Variants in LIPE observed in about 807,000 individuals in gnomAD.
The protein encoded by LIPE is hormone-sensitive lipase.
LIPE carries 66 observed loss-of-function variants against 88.5 expected under a neutral mutation model. The ratio of observed to expected loss-of-function variants is 0.75; its 90% CI spans 0.61 to 0.91. The LOEUF (loss-of-function observed/expected upper bound fraction) is 0.91. Among genes scored for constraint, LIPE ranks in the 40% least tolerant of loss-of-function variants. The pLI, the probability that LIPE is intolerant of heterozygous loss-of-function variation, is 0.00. For synonymous variants in LIPE, 570 were observed against 617.5 expected (o/e 0.92, Z 1.14); for missense variants, 1,346 against 1,434.7 (o/e 0.94, Z 1.00).
chr19:42,406,468 G>A lies in LIPE; in HGVS notation c.2138-80C>T, dbSNP rs2040187571. The A allele has an allele frequency of 8.1e-7, 1 of 1,229,532 alleles. No homozygotes were observed. Among genetic ancestry groups the A allele is most frequent in the Non-Finnish European group, 1.2e-6 (1 of 851,262 alleles). 76.2% of individuals were successfully genotyped at this position (1,229,532 alleles called of 1,614,324 possible). On this transcript the variant is annotated intron_variant, in intron 6 of 9. Coordinates refer to ENST00000244289, the MANE Select transcript of LIPE (RefSeq NM_005357.4). The surrounding 1 kb of genome is among the most constrained non-coding windows in gnomAD (Gnocchi z 5.7). ...AGGAGGGCAGGGAGGAACTCAAGCT[G>A]GGAGAACTGGGCTCTCCAAGGTGGG...
In LIPE at chr19:42,410,051, G is replaced by GAGT. The variant is rs775755321; in HGVS notation, c.1419+253_1419+255dup. Reference sequence around the variant, plus strand: ...CATCTCTTGCATGTAGGACAATAGAGAGTAGTGGATATCCTGGTGAAAAAA... The same window carrying GAGT: ...CATCTCTTGCATGTAGGACAATAGAGAGTAGTAGTGGATATCCTGGTGAAAAAA... On this transcript the variant is annotated intron_variant, in intron 2 of 9. Coordinates refer to ENST00000244289, the MANE Select transcript of LIPE (RefSeq NM_005357.4). The surrounding 1 kb of genome is among the most constrained non-coding windows in gnomAD (Gnocchi z 6.1). Among the ~76,000 whole-genome samples, 18 of 152,314 alleles carry GAGT rather than the reference G, an allele frequency of 1.2e-4. No individual in the cohort carries two copies. The highest frequency in any genetic ancestry group is 1.2e-3 in the East Asian group (6 of 5,184).
chr19:42,423,858 A>G, intron 1 of LIPE: 3 of 1,122,596 alleles, frequency 2.7e-6, no homozygotes, highest in Non-Finnish European at 3.3e-6. Context: ...CCAGCAGGGA[A>G]GTCCCGATCT....
chr19:42,422,619 C>A (rs1459015172), intron 1 of LIPE, among the ~76,000 whole-genome samples: 2 of 152,162 alleles, frequency 1.3e-5, no homozygotes, highest in African/African-American at 4.8e-5. Flanking sequence ...TCCCACGGGT[C>A]CCCATGCTGA....
chr19:42,424,172 T>C (rs1197681626), intron 1 of LIPE: 60 of 1,116,198 alleles, frequency 5.4e-5, no homozygotes, highest in Non-Finnish European at 6.6e-5. Context: ...TCCCTCTGTC[T>C]CCGCCCCCTA....
chr19:42,415,732 C>T (rs1437698664), intron 1 of LIPE, among the ~76,000 whole-genome samples: 1 of 151,314 alleles, frequency 6.6e-6, no homozygotes, highest in Admixed American at 6.6e-5. Flanking sequence ...ATGGCGTGAA[C>T]CTGGGAAGCG....
At position 42,406,431 on chromosome 19, in the gene LIPE, A is replaced by T; in HGVS notation, c.2138-43T>A. The T allele has an allele frequency of 6.4e-7, 1 of 1,565,922 alleles. No homozygotes were observed. The highest frequency in any genetic ancestry group is 8.8e-7 in the Non-Finnish European group (1 of 1,138,150). On this transcript the variant is annotated intron_variant, in intron 6 of 9. Coordinates refer to ENST00000244289, the MANE Select transcript of LIPE (RefSeq NM_005357.4). This position sits in a 1 kb window ranked among gnomAD's most constrained non-coding sequence, Gnocchi z 5.7. Reference sequence around the variant, plus strand: ...TGGTTGGTGACAACCTGGCAGGGGCAGAGGCCTGGGGAGGAGGGCAGGGAG... The same window carrying T: ...TGGTTGGTGACAACCTGGCAGGGGCTGAGGCCTGGGGAGGAGGGCAGGGAG...
chr19:42,410,029 C>A lies in LIPE; in HGVS notation c.1419+278G>T, dbSNP rs1247080198. 6.6e-6 allele frequency among the ~76,000 whole-genome samples: 1 copy of A among 152,168 alleles called. No individual in the cohort carries two copies. Among genetic ancestry groups the A allele is most frequent in the Non-Finnish European group, 1.5e-5 (1 of 68,030 alleles). On this transcript the variant is annotated intron_variant, in intron 2 of 9. Coordinates refer to ENST00000244289, the MANE Select transcript of LIPE (RefSeq NM_005357.4). The surrounding 1 kb of genome is among the most constrained non-coding windows in gnomAD (Gnocchi z 6.1). ...GACAGGTAACAAAGAGTGAATACATCTCTTGCATGTAGGACAATAGAGAGT... is the reference window on the plus strand; with the variant it reads ...GACAGGTAACAAAGAGTGAATACATATCTTGCATGTAGGACAATAGAGAGT...
Position 42,427,376 on chromosome 19 carries a change from G to A in LIPE, c.-227C>T. The A allele has an allele frequency of 1.5e-6, 1 of 678,188 alleles. No homozygotes were observed. Among genetic ancestry groups the A allele is most frequent in the Non-Finnish European group, 2.2e-6 (1 of 457,636 alleles). 42.0% of individuals were successfully genotyped at this position (678,188 alleles called of 1,614,324 possible). On this transcript the variant is annotated 5_prime_UTR_variant, in exon 1 of 10. Coordinates refer to ENST00000244289, the MANE Select transcript of LIPE (RefSeq NM_005357.4). ...AACTCTGTGCCTCTTTCTTTGGTGG[G>A]AGGATTAGGAATAGGAGGAGGCTAT... is the stretch of plus-strand genomic sequence containing the variant.
chr19:42,412,169 G>T, intron 1 of LIPE: 2 of 546,906 alleles, frequency 3.7e-6, no homozygotes, highest in Non-Finnish European at 4.7e-6. Flanking sequence ...CATTCAGGCT[G>T]CCCTGTTTCT....
At chr19:42,409,400 CAAAAAAA>C (rs760628566) in intron 2 of LIPE, among the ~76,000 whole-genome samples, 1 of 72,924 alleles carries the variant, frequency 1.4e-5, no homozygotes, top group African/African-American at 5.1e-5. Context: ...AAACAAAATA[CAAAAAAA>C]AAAAAAAAAA....
rs7246232 is a variant in LIPE at position 42,402,762 on chromosome 19, G to A, written c.2812C>T (p.Arg938Cys). 1.9e-6 allele frequency: 3 copies of A among 1,587,548 alleles called. No homozygotes were observed. The highest frequency in any genetic ancestry group is 2.3e-5 in the East Asian group (1 of 44,306). Reference sequence around the variant, plus strand: ...TGGAAACCCTCGGGGAAGGCGGCACGGACGCCCAGGCCTCTGTCCATGGGG... The same window carrying A: ...TGGAAACCCTCGGGGAAGGCGGCACAGACGCCCAGGCCTCTGTCCATGGGG... ...LSPMDRGLGV[R>C]AAFPEGFHPR... The change falls in exon 9 of 10, where the codon CGT (arginine) becomes TGT (cysteine). Residue 938 changes from arginine (R) to cysteine (C), a missense_variant. Arg to Cys is a radical substitution (Grantham distance 180). Coordinates refer to ENST00000244289, the MANE Select transcript of LIPE (RefSeq NM_005357.4).
At chr19:42,423,786 C>G (rs34037140) in intron 1 of LIPE, 3 of 1,110,390 alleles carry the variant, frequency 2.7e-6, no homozygotes, top group East Asian at 8.4e-5. Flanking sequence ...AAAAAGGCAA[C>G]CCCGGGGGTG....
Position 42,423,909 on chromosome 19 carries a change from C to G in LIPE, c.883+2358G>C, listed in dbSNP as rs1351652954. 13 of 1,153,502 alleles carry G rather than the reference C, an allele frequency of 1.1e-5. No individual in the cohort carries two copies. In the South Asian group the frequency reaches 1.3e-4, roughly 11 times the overall value. The allele number at this position is 1,153,502 out of a possible 1,614,324, so 71.5% of individuals were successfully genotyped here. On this transcript the variant is annotated intron_variant, in intron 1 of 9. Coordinates refer to ENST00000244289, the MANE Select transcript of LIPE (RefSeq NM_005357.4). ...AGCCTCCCATGTGCTGGCTCAGTCT[C>G]GCCATCCCACTCACCTTCCCAGGGA...
chr19:42,413,437 G>A (rs1319074542), intron 1 of LIPE, among the ~76,000 whole-genome samples: 4 of 152,170 alleles, frequency 2.6e-5, no homozygotes, highest in South Asian at 2.1e-4. Context: ...AGGCCGAGGC[G>A]GGCGGATCAT....
Position 42,424,892 on chromosome 19 carries a change from C to T in LIPE, c.883+1375G>A, listed in dbSNP as rs1303238922. 11 of 343,608 alleles carry T rather than the reference C, an allele frequency of 3.2e-5. No homozygotes were observed. In the East Asian group the frequency reaches 8.6e-4, roughly 27 times the overall value. The allele number at this position is 343,608 out of a possible 1,614,324, so 21.3% of individuals were successfully genotyped here. ...GGCAGCACTGGGCCCCGGGAAGAGGCGGAGAAGGCGAGGGAGTGCCTGCGG... is the reference window on the plus strand; with the variant it reads ...GGCAGCACTGGGCCCCGGGAAGAGGTGGAGAAGGCGAGGGAGTGCCTGCGG... On this transcript the variant is annotated intron_variant, in intron 1 of 9. Transcript: ENST00000244289.
In LIPE at chr19:42,410,483, A is replaced by G. The variant is rs758100990; in HGVS notation, c.1243T>C (p.Tyr415His). 6.2e-7 allele frequency: 1 copy of G among 1,613,962 alleles called. No homozygotes were observed. The highest frequency in any genetic ancestry group is 8.5e-7 in the Non-Finnish European group (1 of 1,180,016). ...TSHNLAELEA[Y>H]LAALTQLRAL... ...CGGAGCTGGGTGAGGGCAGCCAGGTAGGCCTCCAGCTCGGCCAGGTTGTGG... is the reference window on the plus strand; with the variant it reads ...CGGAGCTGGGTGAGGGCAGCCAGGTGGGCCTCCAGCTCGGCCAGGTTGTGG... The change falls in exon 2 of 10, where the codon TAC becomes CAC. Residue 415 changes from tyrosine (Y) to histidine (H), a missense_variant. Tyr to His is a moderately conservative substitution (Grantham distance 83). Transcript: ENST00000244289. The surrounding 1 kb of genome is among the most constrained non-coding windows in gnomAD (Gnocchi z 6.1).
At chr19:42,413,062 G>A (rs1265595039) in intron 1 of LIPE, among the ~76,000 whole-genome samples, 1 of 152,214 alleles carries the variant, frequency 6.6e-6, no homozygotes, top group Admixed American at 6.5e-5. Context: ...GGGAAACAGA[G>A]GCTCAGAGAG....
At position 42,406,239 on chromosome 19, in the gene LIPE, A is replaced by G; in HGVS notation, c.2287T>C (p.Ser763Pro). ...ATGAGGCTCAGCAGGCGGGAGGGAG[A>G]GGCGGCAGGCTGCAGCATTGTGGCC... ...YPATMLQPAA[S>P]PSRLLSLMDP... Residue 763 changes from serine to proline, a missense_variant, in exon 7 of 10, where the codon TCT becomes CCT. Coordinates refer to ENST00000244289, the MANE Select transcript of LIPE (RefSeq NM_005357.4). This position sits in a 1 kb window ranked among gnomAD's most constrained non-coding sequence, Gnocchi z 5.7. The G allele has an allele frequency of 1.9e-6, 3 of 1,613,572 alleles. No individual in the cohort carries two copies. Among genetic ancestry groups the G allele is most frequent in the South Asian group, 2.2e-5 (2 of 91,066 alleles).
At chr19:42,404,065 CTTTT>C (rs528946715) in intron 8 of LIPE, among the ~76,000 whole-genome samples, 4 of 138,712 alleles carry the variant, frequency 2.9e-5, no homozygotes, top group Non-Finnish European at 3.2e-5. Context: ...TAGTTTTTTA[CTTTT>C]TTTTTTTTTT....
Sources: allele counts gnomAD v4.1 joint callset (sites outside exome capture counted in the v4.1 genomes callset), GRCh38; gene constraint gnomAD v4.1.1; non-coding constraint Gnocchi (gnomAD v3.1); transcripts MANE v1.5; gene names NCBI Gene and HGNC (gene_info 2026-07-23, HGNC 2026-07-21).